AZGP1: variants seen among roughly 807,000 people sequenced by gnomAD.
AZGP1 encodes the protein zinc-alpha-2-glycoprotein.
AZGP1 carries 28 observed loss-of-function variants against 31.5 expected under a neutral mutation model. The ratio of observed to expected loss-of-function variants is 0.89; its 90% CI spans 0.66 to 1.22. AZGP1 has a LOEUF of 1.22. AZGP1 is among the 50% of genes most tolerant of loss of function. The pLI is 0.00. For missense variants in AZGP1, 361 were observed against 371.8 expected (o/e 0.97, Z 0.24); for synonymous variants, 135 against 145.4 (o/e 0.93, Z 0.51).
Position 99,976,029 on chromosome 7 carries a change from C to A in AZGP1, c.-9G>T. 6.2e-7 allele frequency: 1 copy of A among 1,614,008 alleles called. No individual in the cohort carries two copies. Among genetic ancestry groups the A allele is most frequent in the Non-Finnish European group, 8.5e-7 (1 of 1,179,972 alleles). On this transcript the variant is annotated 5_prime_UTR_variant, in exon 1 of 4. Transcript: ENST00000292401. ...GGCACCATTCTTACCATTGTGTCTG[C>A]TTGGAGGGTTCTGGGCAGGAGGCAC...
chr7:99,968,237 C>G lies in AZGP1; in HGVS notation c.531G>C (p.Arg177=), dbSNP rs765541904. 2 of 1,613,790 alleles carry G rather than the reference C, an allele frequency of 1.2e-6. No homozygotes were observed. The highest frequency in any genetic ancestry group is 3.3e-5 in the Admixed American group (2 of 59,968). The change falls in exon 3 of 4, where the codon CGG becomes CGC. Residue 177 remains arginine (R), a synonymous_variant. Coordinates refer to ENST00000292401, the MANE Select transcript of AZGP1 (RefSeq NM_001185.4). ...ACTCCTCCTCCAGGTAAGCCTTGGC[C>G]CGCTGCACGTAGACTGGTTCTGCCT... ...KWEAEPVYVQ[R]AKAYLEEECP...
In AZGP1 at chr7:99,973,996, G is replaced by A. The variant is rs1029650828; in HGVS notation, c.76+1949C>T. ...GTCAATAATAATTTAACTGGGGCCA[G>A]GTGTGGTGGCTCGTGCCTGTAATTC... On this transcript the variant is annotated intron_variant, in intron 1 of 3. Coordinates refer to ENST00000292401, the MANE Select transcript of AZGP1 (RefSeq NM_001185.4). 1.6e-4 allele frequency among the ~76,000 whole-genome samples: 25 copies of A among 152,126 alleles called. 1 individual carries two copies. Among genetic ancestry groups the A allele is most frequent in the African/African-American group, 6.0e-4 (25 of 41,484 alleles).
At position 99,972,004 on chromosome 7, in the gene AZGP1, G is replaced by T; in HGVS notation, c.79C>A (p.Arg27Ser). Residue 27 changes from arginine to serine, a missense_variant and splice_region_variant, in exon 2 of 4, where the codon CGT becomes AGT. Physicochemically the swap from Arg to Ser is moderately radical, Grantham distance 110. Coordinates refer to ENST00000292401, the MANE Select transcript of AZGP1 (RefSeq NM_001185.4). The part of the protein sequence containing the change: ...PAVPQENQDG[R>S]YSLTYIYTGL... The stretch of plus-strand genomic sequence containing the variant: ...GTGTAGATATAGGTCAGAGAGTAAC[G>T]ACCTGCAAAAGAAAAGATTCTGATG... 1.2e-6 allele frequency: 2 copies of T among 1,601,028 alleles called. No homozygotes were observed. The highest frequency in any genetic ancestry group is 2.2e-5 in the South Asian group (2 of 89,618).
chr7:99,970,609 C>T (rs940209980), intron 2 of AZGP1, among the ~76,000 whole-genome samples: 2 of 152,016 alleles, frequency 1.3e-5, no homozygotes, highest in Non-Finnish European at 2.9e-5. Flanking sequence ...TCCACTTTGC[C>T]ATTTCTATTC....
chr7:99,968,070 C>A (rs781780310), intron 3 of AZGP1, 85 bp downstream of exon 3: 7 of 1,538,302 alleles, frequency 4.6e-6, no homozygotes, highest in Admixed American at 3.4e-5. Context: ...ACAGATGAGA[C>A]CGGACTAAGA....
chr7:99,969,079 G>T (rs905802235), intron 2 of AZGP1, among the ~76,000 whole-genome samples: 1 of 147,392 alleles, frequency 6.8e-6, no homozygotes, highest in African/African-American at 2.5e-5. Flanking sequence ...TTCGAGACCA[G>T]CCTGGCCAAT....
chr7:99,968,547 G>A (rs1789529307), intron 2 of AZGP1, 117 bp from the exon 3 acceptor site: 2 of 1,272,008 alleles, frequency 1.6e-6, no homozygotes. Context: ...TGCAATTCAA[G>A]CATGCAATCC....
chr7:99,971,917 GGTCATTGAGTGA>G lies in AZGP1; in HGVS notation c.154_165del (p.Ser52_Asp55del). Reference sequence around the variant, plus strand: ...TTACTGTTGTATCTAAAGAACTGGAGGTCATTGAGTGAGCCAAGGGCCTGAAACGCGGGGACG... The same window carrying G: ...TTACTGTTGTATCTAAAGAACTGGAGGCCAAGGGCCTGAAACGCGGGGACG... On this transcript the variant is annotated inframe_deletion, in exon 2 of 4. Transcript: ENST00000292401. The G allele has an allele frequency of 6.2e-7, 1 of 1,614,134 alleles. No individual in the cohort carries two copies. Among genetic ancestry groups the G allele is most frequent in the Non-Finnish European group, 8.5e-7 (1 of 1,179,996 alleles).
intron 1 of AZGP1, among the ~76,000 whole-genome samples, chr7:99,974,381 A>G (rs1789625862): frequency 6.6e-6 from 1 of 152,022 alleles, no homozygotes; most frequent in Non-Finnish European, 1.5e-5. Context: ...AGGTCAGGAT[A>G]TCAAGACTAG....
At chr7:99,968,962 CAAAAAAAAA>C (rs869115613) in intron 2 of AZGP1, among the ~76,000 whole-genome samples, 29 of 26,700 alleles carry the variant, frequency 1.1e-3, no homozygotes, top group African/African-American at 2.9e-3. Flanking sequence ...GACCCTATCT[CAAAAAAAAA>C]AAAAAAAAAA....
At position 99,968,390 on chromosome 7, in the gene AZGP1, C is replaced by A; in HGVS notation, c.378G>T (p.Glu126Asp). Reference protein sequence around the residue: ...VLQGRFGCEIENNRSSGAFWK... With the variant: ...VLQGRFGCEIDNNRSSGAFWK... ...AGAATGCTCCGCTGCTTCTGTTATTCTCGATCTCACAACCAAACCTTCCCT... is the reference window on the plus strand; with the variant it reads ...AGAATGCTCCGCTGCTTCTGTTATTATCGATCTCACAACCAAACCTTCCCT... The change falls in exon 3 of 4, where the codon GAG (glutamate) becomes GAT (aspartate). Residue 126 changes from glutamate to aspartate, a missense_variant. Transcript: ENST00000292401. 2 of 1,613,902 alleles carry A rather than the reference C, an allele frequency of 1.2e-6. No individual in the cohort carries two copies. Among genetic ancestry groups the A allele is most frequent in the Non-Finnish European group, 1.7e-6 (2 of 1,180,006 alleles).
At position 99,975,925 on chromosome 7, in the gene AZGP1, C is replaced by A. The variant is rs940008052; in HGVS notation, c.76+20G>T. On this transcript the variant is annotated intron_variant, in intron 1 of 3. Transcript: ENST00000292401. The stretch of plus-strand genomic sequence containing the variant: ...CCTTCCAGTCCTCTCCAGCACCCAT[C>A]CCTTGCTTTCCCCACTCACCATCTT... 11 of 1,613,588 alleles carry A rather than the reference C, an allele frequency of 6.8e-6. No homozygotes were observed. The highest frequency in any genetic ancestry group is 1.3e-5 in the African/African-American group (1 of 74,904).
At chr7:99,972,538 C>A (rs191777114) in intron 1 of AZGP1, among the ~76,000 whole-genome samples, 5 of 152,218 alleles carry the variant, frequency 3.3e-5, no homozygotes, top group African/African-American at 1.2e-4. Context: ...CTAGGCTGGG[C>A]TCCGTGGCTC....
At position 99,968,307 on chromosome 7, in the gene AZGP1, C is replaced by A. The variant is rs145427176; in HGVS notation, c.461G>T (p.Trp154Leu). The A allele has an allele frequency of 6.2e-7, 1 of 1,613,770 alleles. No individual in the cohort carries two copies. Among genetic ancestry groups the A allele is most frequent in the Non-Finnish European group, 8.5e-7 (1 of 1,179,962 alleles). The change falls in exon 3 of 4, where the codon TGG becomes TTG. Residue 154 changes from tryptophan (W) to leucine (L), a missense_variant. By Grantham distance (61) the Trp-to-Leu change is moderately conservative. Coordinates refer to ENST00000292401, the MANE Select transcript of AZGP1 (RefSeq NM_001185.4). ...CTGGGCTGCTGGGTCGAAGGGGACC[C>A]AGGCTGGGATTTCTTTGTTGAATTC... ...YIEFNKEIPAWVPFDPAAQIT... is the reference protein window; with the variant it reads ...YIEFNKEIPALVPFDPAAQIT...
chr7:99,974,880 G>C (rs889949522), intron 1 of AZGP1, among the ~76,000 whole-genome samples: 2 of 152,024 alleles, frequency 1.3e-5, no homozygotes, highest in Non-Finnish European at 2.9e-5. Context: ...TCAGTTGAAG[G>C]CCTTAAGAGA....
At chr7:99,967,389 G>T (rs535748742) in intron 3 of AZGP1, 103 bp from the exon 4 acceptor site, 11 of 1,334,520 alleles carry the variant, frequency 8.2e-6, no homozygotes, top group Middle Eastern at 5.4e-4. Context: ...AGCAGAGCTC[G>T]AAGCTCTGTA....
chr7:99,970,490 G>A (rs1789559951), intron 2 of AZGP1, among the ~76,000 whole-genome samples: 1 of 152,058 alleles, frequency 6.6e-6, no homozygotes. Context: ...TGATCTGCCT[G>A]CCTCAGCCTC....
intron 3 of AZGP1, 106 bp from the exon 4 acceptor site, chr7:99,967,392 G>T (rs1337245735): frequency 2.3e-6 from 3 of 1,300,928 alleles, no homozygotes; most frequent in African/African-American, 3.0e-5. Flanking sequence ...AGAGCTCGAA[G>T]CTCTGTACCT....
Position 99,971,804 on chromosome 7 carries a change from C to T in AZGP1, c.279G>A (p.Arg93=), listed in dbSNP as rs1246222286. The T allele has an allele frequency of 1.2e-6, 2 of 1,614,046 alleles. No individual in the cohort carries two copies. Among genetic ancestry groups the T allele is most frequent in the Admixed American group, 3.3e-5 (2 of 60,006 alleles). ...WKQDSQLQKA[R]EDIFMETLKD... ...TCAGGGTCTCCATAAAGATGTCCTC[C>T]CTGGCCTTCTGAAGTTGGCTGTCCT... The change falls in exon 2 of 4, where the codon AGG becomes AGA. Residue 93 remains arginine (R), a synonymous_variant. Transcript: ENST00000292401.
Sources: allele counts gnomAD v4.1 joint callset (sites outside exome capture counted in the v4.1 genomes callset), GRCh38; gene constraint gnomAD v4.1.1; transcripts MANE v1.5; gene names NCBI Gene and HGNC (gene_info 2026-07-23, HGNC 2026-07-21).